The following NDUFS1 variants were observed in gnomAD, a reference collection of about 807,000 sequenced individuals.
NDUFS1 encodes NADH-ubiquinone oxidoreductase 75 kDa subunit, mitochondrial.
A neutral mutation model predicts 84.4 loss-of-function variants in NDUFS1; 61 were observed. The observed-to-expected ratio is 0.72, with a 90% confidence interval of 0.59 to 0.89. NDUFS1 has a LOEUF of 0.89. Ranked by LOEUF, NDUFS1 falls within the 40% of genes least tolerant of loss-of-function variation. The pLI is 0.00. For synonymous variants in NDUFS1, 275 were observed against 290.0 expected (o/e 0.95, Z 0.53); for missense variants, 891 against 890.0 (o/e 1.00, Z -0.01).
chr2:206,151,471 T>TCTA (rs960655781), intron 3 of NDUFS1, among the ~76,000 whole-genome samples: 17 of 152,172 alleles, frequency 1.1e-4, no homozygotes, highest in African/African-American at 3.9e-4. Flanking sequence ...AATACCTCTT[T>TCTA]CTACTACCTC....
chr2:206,140,258 A>G (rs924261292), intron 12 of NDUFS1, among the ~76,000 whole-genome samples: 7 of 152,022 alleles, frequency 4.6e-5, no homozygotes, highest in Non-Finnish European at 5.9e-5. Context: ...TTGTGGTGGG[A>G]GCATCATTTG....
chr2:206,140,925 T>TAC (rs1405559455), intron 12 of NDUFS1, among the ~76,000 whole-genome samples: 2 of 93,252 alleles, frequency 2.1e-5, no homozygotes, highest in African/African-American at 4.9e-5. Flanking sequence ...GTAGTGTGTA[T>TAC]ATATATATAT....
chr2:206,125,340 T>C (rs539645311), intron 18 of NDUFS1, among the ~76,000 whole-genome samples: 13 of 151,980 alleles, frequency 8.6e-5, no homozygotes, highest in Admixed American at 8.5e-4. Flanking sequence ...TATGCGCCTA[T>C]AGTCCTAGCT....
intron 1 of NDUFS1, among the ~76,000 whole-genome samples, chr2:206,158,152 C>T (rs1288883790): frequency 1.3e-5 from 2 of 151,956 alleles, no homozygotes; most frequent in Non-Finnish European, 2.9e-5. Context: ...TTAGTAGAGA[C>T]AGGGTTTCAC....
chr2:206,150,215 T>C (rs1692319664), intron 3 of NDUFS1, among the ~76,000 whole-genome samples: 1 of 152,228 alleles, frequency 6.6e-6, no homozygotes, highest in South Asian at 2.1e-4. Context: ...ACTTCCCACA[T>C]CCATTTTGAA....
At chr2:206,154,380 T>C (rs147807725) in intron 1 of NDUFS1, among the ~76,000 whole-genome samples, 1 of 152,318 alleles carries the variant, frequency 6.6e-6, no homozygotes, top group Non-Finnish European at 1.5e-5. Context: ...GAACACACTG[T>C]TGTCACAAAC....
At chr2:206,128,171 T>C (rs866612129) in intron 15 of NDUFS1, among the ~76,000 whole-genome samples, 199 bp from the exon 16 acceptor site, 87 of 151,770 alleles carry the variant, frequency 5.7e-4, no homozygotes, top group Non-Finnish European at 3.5e-4. Context: ...AAGAAAATTA[T>C]TATTATTTTT....
rs1167916800 is a variant in NDUFS1 at position 206,136,903 on chromosome 2, AC to A, written c.1392+1581del. ...CCTGAGTAGCTGGGATTATGCATGCACCACCATGCCCAGCTAATTATGTATT... is the reference window on the plus strand; with the variant it reads ...CCTGAGTAGCTGGGATTATGCATGCACACCATGCCCAGCTAATTATGTATT... On this transcript the variant is annotated intron_variant, in intron 13 of 18. Coordinates refer to ENST00000233190, the MANE Select transcript of NDUFS1 (RefSeq NM_005006.7). Among the ~76,000 whole-genome samples the A allele has an allele frequency of 2.7e-5, 4 of 150,620 alleles. No homozygotes were observed. In the East Asian group the frequency reaches 8.0e-4, roughly 30 times the overall value.
At chr2:206,147,923 A>ATTT in intron 5 of NDUFS1, 89 bp from the exon 6 acceptor site, 1 of 983,130 alleles carries the variant, frequency 1.0e-6, no homozygotes, top group Non-Finnish European at 1.5e-6. Flanking sequence ...TATAGACTTT[A>ATTT]TTTTTTTTTT....
intron 12 of NDUFS1, among the ~76,000 whole-genome samples, chr2:206,139,809 A>G (rs1047173698): frequency 6.6e-6 from 1 of 151,166 alleles, no homozygotes; most frequent in Non-Finnish European, 1.5e-5. Context: ...CCTCTTTATA[A>G]ATCTCTAAGA....
intron 18 of NDUFS1, among the ~76,000 whole-genome samples, chr2:206,125,492 C>T (rs576319030): frequency 2.1e-4 from 32 of 151,376 alleles, no homozygotes; most frequent in Non-Finnish European, 4.0e-4. Flanking sequence ...CACACACACA[C>T]GTACATGTAA....
chr2:206,144,087 C>G lies in NDUFS1; in HGVS notation c.918G>C (p.Met306Ile), dbSNP rs1192805843. Reference protein sequence around the residue: ...GLKRQRLTEPMVRNEKGLLTY... With the variant: ...GLKRQRLTEPIVRNEKGLLTY... ...TTAAAAGCCCTTTTTCATTTCTGAC[C>G]ATTGGCTCGGTAAGTCTTTGACGTT... Residue 306 changes from methionine to isoleucine, a missense_variant, in exon 10 of 19, where the codon ATG becomes ATC. Transcript: ENST00000233190. 6.2e-7 allele frequency: 1 copy of G among 1,614,088 alleles called. No individual in the cohort carries two copies. Among genetic ancestry groups the G allele is most frequent in the Non-Finnish European group, 8.5e-7 (1 of 1,179,974 alleles).
At chr2:206,139,070 C>T (rs962621548) in intron 12 of NDUFS1, among the ~76,000 whole-genome samples, 1 of 150,726 alleles carries the variant, frequency 6.6e-6, no homozygotes, top group African/African-American at 2.4e-5. Flanking sequence ...GAGCTGAGAT[C>T]GGGCCACTGC....
At position 206,118,295 on chromosome 2, in the gene NDUFS1, T is replaced by C. The variant is rs1691004662; in HGVS notation, c.*5890A>G. On this transcript the variant is annotated 3_prime_UTR_variant, in exon 19 of 19. Transcript: ENST00000233190. ...ATTAAATCAGCAAACTAAAGTGCTA[T>C]GTAACTATTAAAATATTTTAAAATA... 6.6e-6 allele frequency: 1 copy of C among 152,226 alleles called. No homozygotes were observed. Among genetic ancestry groups the C allele is most frequent in the East Asian group, 1.9e-4 (1 of 5,204 alleles). The allele number at this position is 152,226 out of a possible 1,614,324, so 9.4% of individuals were successfully genotyped here.
chr2:206,130,331 A>T lies in NDUFS1; in HGVS notation c.1554-89T>A, dbSNP rs1004696444. The T allele has an allele frequency of 3.8e-5, 56 of 1,473,290 alleles. No homozygotes were observed. The African/African-American group carries it at 6.1e-4, about 16-fold the overall frequency. The allele number at this position is 1,473,290 out of a possible 1,614,324, so 91.3% of individuals were successfully genotyped here. ...ATTTTTGGAATAATTTCCTTTCAAC[A>T]ATGTCAAAAAACCCATTTTATTTTA... On this transcript the variant is annotated intron_variant, in intron 14 of 18. Transcript: ENST00000233190.
In NDUFS1 at chr2:206,117,873, A is replaced by G. The variant is rs1210920204; in HGVS notation, c.*6312T>C. On this transcript the variant is annotated 3_prime_UTR_variant, in exon 19 of 19. Coordinates refer to ENST00000233190, the MANE Select transcript of NDUFS1 (RefSeq NM_005006.7). ...ATAATACTAAAATTTTTTTTTGTAT[A>G]GTCCTTTACAGATCCAAAATTATGA... The G allele has an allele frequency of 6.6e-6, 1 of 152,172 alleles. No homozygotes were observed. Among genetic ancestry groups the G allele is most frequent in the Non-Finnish European group, 1.5e-5 (1 of 68,036 alleles). 9.4% of individuals were successfully genotyped at this position (152,172 alleles called of 1,614,324 possible).
At chr2:206,128,588 GC>G (rs1292580378) in intron 15 of NDUFS1, among the ~76,000 whole-genome samples, 1 of 151,768 alleles carries the variant, frequency 6.6e-6, no homozygotes, top group African/African-American at 2.4e-5. Context: ...GTCCAGCCTG[GC>G]CAACATGGCA....
At chr2:206,138,104 G>A (rs1263748048) in intron 13 of NDUFS1, among the ~76,000 whole-genome samples, 2 of 151,902 alleles carry the variant, frequency 1.3e-5, no homozygotes, top group East Asian at 3.9e-4. Flanking sequence ...AGTTTTTTTG[G>A]GGGTGGGACA....
At chr2:206,129,535 T>C (rs1250057046) in intron 15 of NDUFS1, among the ~76,000 whole-genome samples, 1 of 152,080 alleles carries the variant, frequency 6.6e-6, no homozygotes, top group Non-Finnish European at 1.5e-5. Flanking sequence ...AGTGGTGGGA[T>C]TACAGCATGA....
Sources: gnomAD v4.1 joint callset for allele counts (sites outside exome capture counted in the v4.1 genomes callset) on GRCh38, gnomAD v4.1.1 for gene constraint, MANE v1.5 for transcripts, NCBI Gene and HGNC (gene_info 2026-07-23, HGNC 2026-07-21) for gene names.